Variants in CSTPP1 observed in about 807,000 individuals in gnomAD.
CSTPP1 encodes UPF0705 protein C11orf49.
the CSTPP1 span, among the ~76,000 whole-genome samples, chr11:46,950,568 T>C: frequency 5.9e-5 from 9 of 152,116 alleles, no homozygotes; most frequent in African/African-American, 2.2e-4. Flanking sequence ...TTTTAAGTAG[T>C]ACAGCTGCCT....
chr11:47,038,780 T>C, the CSTPP1 span, among the ~76,000 whole-genome samples: 2 of 101,218 alleles, frequency 2.0e-5, no homozygotes, highest in African/African-American at 3.1e-5. Flanking sequence ...TCCTCACTTC[T>C]CAGATGGGGC....
the CSTPP1 span, among the ~76,000 whole-genome samples, chr11:46,940,910 C>G: frequency 3.3e-5 from 5 of 152,124 alleles, no homozygotes. Context: ...TTTTATGTCT[C>G]AAAGGCTTGG....
At chr11:46,990,599 G>C in the CSTPP1 span, among the ~76,000 whole-genome samples, 1 of 152,076 alleles carries the variant, frequency 6.6e-6, no homozygotes, top group East Asian at 1.9e-4. Context: ...TCTATTGATA[G>C]TTTCTTTTGC....
chr11:47,095,540 A>G, the CSTPP1 span, among the ~76,000 whole-genome samples: 5 of 152,142 alleles, frequency 3.3e-5, no homozygotes, highest in Non-Finnish European at 5.9e-5. Flanking sequence ...TTAGCTTCCA[A>G]TTGAAGGAAA....
At chr11:47,122,069 C>CAAAAAAAAAAAAAAAAAA in the CSTPP1 span, among the ~76,000 whole-genome samples, 1 of 21,986 alleles carries the variant, frequency 4.5e-5, no homozygotes, top group Non-Finnish European at 7.8e-5. Context: ...GACCCTGTCT[C>CAAAAAAAAAAAAAAAAAA]AAAAAAAAAA....
chr11:47,003,352 G>A, the CSTPP1 span, among the ~76,000 whole-genome samples: 1 of 152,154 alleles, frequency 6.6e-6, no homozygotes, highest in East Asian at 1.9e-4. Flanking sequence ...GCTGGCGTGG[G>A]GGTGGAGGGG....
chr11:47,157,995 C>T, the CSTPP1 span: 7 of 1,357,054 alleles, frequency 5.2e-6, no homozygotes, highest in Non-Finnish European at 7.3e-6. Context: ...CTGTTAGCAA[C>T]ACGGCTCCAG....
At chr11:47,073,086 T>C in the CSTPP1 span, among the ~76,000 whole-genome samples, 3 of 152,370 alleles carry the variant, frequency 2.0e-5, no homozygotes, top group Admixed American at 2.0e-4. Context: ...CACATTTTTA[T>C]ATTGTCTGAG....
At chr11:47,011,534 T>G in the CSTPP1 span, among the ~76,000 whole-genome samples, 1 of 152,216 alleles carries the variant, frequency 6.6e-6, no homozygotes, top group Non-Finnish European at 1.5e-5. Flanking sequence ...ATATTTCTAT[T>G]AAGCTTCTTG....
chr11:47,037,822 A>G, the CSTPP1 span, among the ~76,000 whole-genome samples: 26 of 127,448 alleles, frequency 2.0e-4, 6 homozygotes, highest in South Asian at 2.5e-4. Context: ...CGATTTCTCA[A>G]TCTTTTCCCC....
chr11:47,157,145 G>T, the CSTPP1 span: 1 of 1,613,584 alleles, frequency 6.2e-7, no homozygotes, highest in Non-Finnish European at 8.5e-7. Flanking sequence ...GGGCGGGGCC[G>T]GCACGCTGGA....
the CSTPP1 span, among the ~76,000 whole-genome samples, chr11:47,107,320 T>C: frequency 6.6e-6 from 1 of 152,166 alleles, no homozygotes; most frequent in Non-Finnish European, 1.5e-5. Flanking sequence ...AGAGGAACGA[T>C]TGAGTCCTTT....
At chr11:47,052,451 C>G in the CSTPP1 span, 1 of 1,614,066 alleles carries the variant, frequency 6.2e-7, no homozygotes. Context: ...TCCAAGCCAC[C>G]CCCCACAATA....
chr11:46,961,366 T>C, the CSTPP1 span, among the ~76,000 whole-genome samples: 25 of 152,360 alleles, frequency 1.6e-4, no homozygotes, highest in Admixed American at 1.4e-3. Context: ...GTTTGTCTTC[T>C]TGGAGAAATG....
At chr11:47,155,571 T>G in the CSTPP1 span, 1 of 432,102 alleles carries the variant, frequency 2.3e-6, no homozygotes, top group Non-Finnish European at 4.2e-6. Flanking sequence ...CATTCACTGC[T>G]TACTGAAAAC....
chr11:47,023,406 G>A, the CSTPP1 span: 11 of 154,550 alleles, frequency 7.1e-5, no homozygotes, highest in African/African-American at 2.4e-4. Context: ...TGAGTATCCT[G>A]GGGACTGGAA....
At chr11:46,961,090 A>G in the CSTPP1 span, among the ~76,000 whole-genome samples, 1 of 152,182 alleles carries the variant, frequency 6.6e-6, no homozygotes, top group Non-Finnish European at 1.5e-5. Context: ...GCATATACCT[A>G]GGCGTGGAAT....
At chr11:47,087,422 A>T in the CSTPP1 span, among the ~76,000 whole-genome samples, 1 of 152,276 alleles carries the variant, frequency 6.6e-6, no homozygotes, top group African/African-American at 2.4e-5. Context: ...AAAAGATAAT[A>T]TATGTGTATT....
the CSTPP1 span, chr11:47,155,633 A>G: frequency 4.0e-6 from 1 of 247,996 alleles, no homozygotes; most frequent in Non-Finnish European, 8.0e-6. Context: ...CAGCCTTGAG[A>G]GAGAGTCCTT....
Sources: gnomAD v4.1 joint callset for allele counts (sites outside exome capture counted in the v4.1 genomes callset) on GRCh38, gnomAD v4.1.1 for gene constraint, MANE v1.5 for transcripts, NCBI Gene and HGNC (gene_info 2026-07-23, HGNC 2026-07-21) for gene names.